Variants in GALNTL6 observed in about 807,000 individuals in gnomAD.
GALNTL6 encodes the protein polypeptide N-acetylgalactosaminyltransferase-like 6.
Under a neutral mutation model 73.7 loss-of-function variants are expected in GALNTL6, and 46 were observed. The observed-to-expected ratio is 0.62, with a 90% CI of 0.49 to 0.80. GALNTL6 has a LOEUF of 0.80. GALNTL6 is among the 30% of genes least tolerant of loss of function. GALNTL6 has a pLI of 0.00. For synonymous variants in GALNTL6, 259 were observed against 263.7 expected (o/e 0.98, Z 0.17); for missense variants, 604 against 755.0 (o/e 0.80, Z 2.34).
chr4:171,988,003 G>A (rs185388844), intron 2 of GALNTL6, among the ~76,000 whole-genome samples: 3,144 of 152,230 alleles, frequency 0.021, 65 homozygotes, highest in African/African-American at 0.053. Context: ...AAGTATATGC[G>A]TCAGGTATGA....
chr4:171,964,264 G>A (rs1053528697), intron 2 of GALNTL6, among the ~76,000 whole-genome samples: 3 of 151,966 alleles, frequency 2.0e-5, no homozygotes, highest in Admixed American at 1.3e-4. Flanking sequence ...TTCTAAGTAG[G>A]ATAGAACCTC....
intron 2 of GALNTL6, among the ~76,000 whole-genome samples, chr4:171,858,861 A>T (rs1293615918): frequency 2.0e-5 from 3 of 152,276 alleles, no homozygotes; most frequent in Non-Finnish European, 4.4e-5. Flanking sequence ...CTTTTATACA[A>T]CTATAAAATT....
chr4:172,599,179 G>A (rs1470775135), intron 5 of GALNTL6, among the ~76,000 whole-genome samples: 1 of 152,138 alleles, frequency 6.6e-6, no homozygotes, highest in Admixed American at 6.6e-5. Context: ...TGCGCATGCA[G>A]GTCTAGAAAG....
chr4:171,894,891 A>G (rs536654078), intron 2 of GALNTL6, among the ~76,000 whole-genome samples: 102 of 152,296 alleles, frequency 6.7e-4, no homozygotes, highest in African/African-American at 2.4e-3. Flanking sequence ...ATAAATTAAA[A>G]GCCAAAGATA....
chr4:172,346,279 G>A (rs573549584), intron 4 of GALNTL6, among the ~76,000 whole-genome samples: 2 of 152,346 alleles, frequency 1.3e-5, no homozygotes, highest in South Asian at 2.1e-4. Flanking sequence ...ACTGGATGTC[G>A]TTTTGACGTC....
chr4:172,287,185 T>C (rs978074656), intron 3 of GALNTL6, among the ~76,000 whole-genome samples: 3 of 152,186 alleles, frequency 2.0e-5, no homozygotes, highest in Non-Finnish European at 4.4e-5. Context: ...TTATTTAAAT[T>C]AAGAGCTTAC....
intron 9 of GALNTL6, among the ~76,000 whole-genome samples, chr4:172,940,369 CTTTT>C: frequency 6.9e-6 from 1 of 145,928 alleles, no homozygotes; most frequent in Non-Finnish European, 1.5e-5. Flanking sequence ...AAGTAATTTT[CTTTT>C]TTTTTTTGAA....
At chr4:172,168,279 GT>G (rs1301954399) in intron 2 of GALNTL6, among the ~76,000 whole-genome samples, 2 of 149,550 alleles carry the variant, frequency 1.3e-5, no homozygotes, top group Non-Finnish European at 1.5e-5. Flanking sequence ...TGTTTGTTTT[GT>G]TTTGTTTTGT....
In GALNTL6 at chr4:171,937,849, A is replaced by C. The variant is rs184783048; in HGVS notation, c.138+123131A>C. ...ATTATTTGCTAATGAATAAACATGG[A>C]AAAATAGTTAAAATGATTTTTTAAT... is the stretch of plus-strand genomic sequence containing the variant. On this transcript the variant is annotated intron_variant, in intron 2 of 12. Transcript: ENST00000506823. Among the ~76,000 whole-genome samples the C allele has an allele frequency of 1.6e-3, 247 of 152,294 alleles. 1 individual carries two copies. Among genetic ancestry groups the C allele is most frequent in the African/African-American group, 5.7e-3 (235 of 41,574 alleles).
intron 2 of GALNTL6, among the ~76,000 whole-genome samples, chr4:171,982,443 G>T (rs112217302): frequency 0.019 from 2,902 of 152,044 alleles, 92 homozygotes; most frequent in African/African-American, 0.067. Flanking sequence ...GACTACAGGC[G>T]CCCGCCACCA....
At chr4:172,337,809 C>A (rs1441680973) in intron 4 of GALNTL6, among the ~76,000 whole-genome samples, 1 of 150,554 alleles carries the variant, frequency 6.6e-6, no homozygotes, top group Non-Finnish European at 1.5e-5. Context: ...CATCTGGATA[C>A]CTATTTCTCT....
At chr4:171,943,318 G>T (rs140106754) in intron 2 of GALNTL6, among the ~76,000 whole-genome samples, 3 of 152,072 alleles carry the variant, frequency 2.0e-5, no homozygotes, top group African/African-American at 7.2e-5. Flanking sequence ...CTCTCTCATC[G>T]GTAGCCTTCC....
At chr4:172,638,759 A>G (rs1739816887) in intron 5 of GALNTL6, among the ~76,000 whole-genome samples, 1 of 152,084 alleles carries the variant, frequency 6.6e-6, no homozygotes, top group Non-Finnish European at 1.5e-5. Flanking sequence ...TCTCACTAAT[A>G]TTTTTATTTT....
Position 172,810,702 on chromosome 4 carries a change from G to A in GALNTL6, c.739+1156G>A, listed in dbSNP as rs371089757. Among the ~76,000 whole-genome samples the A allele has an allele frequency of 1.4e-3, 207 of 152,258 alleles. 2 individuals carry two copies. The Middle Eastern group carries it at 0.017, about 13-fold the overall frequency. On this transcript the variant is annotated intron_variant, in intron 6 of 12. Coordinates refer to ENST00000506823, the MANE Select transcript of GALNTL6 (RefSeq NM_001034845.3). Reference sequence around the variant, plus strand: ...TGCCCAGCCACATACGCCTGCACAGGTAACTGCCCAGTTATCCTAATCAAC... The same window carrying A: ...TGCCCAGCCACATACGCCTGCACAGATAACTGCCCAGTTATCCTAATCAAC...
chr4:172,357,299 G>A (rs1476236431), intron 5 of GALNTL6, among the ~76,000 whole-genome samples: 1 of 152,150 alleles, frequency 6.6e-6, no homozygotes, highest in African/African-American at 2.4e-5. Flanking sequence ...ATTTTGGGCT[G>A]GCCCCTTGTG....
intron 5 of GALNTL6, among the ~76,000 whole-genome samples, chr4:172,614,581 A>C (rs949092747): frequency 2.0e-5 from 3 of 152,188 alleles, no homozygotes; most frequent in African/African-American, 7.2e-5. Context: ...GCATCTTCAG[A>C]TATTAGAAAG....
chr4:171,821,197 G>A (rs1005747062), intron 2 of GALNTL6, among the ~76,000 whole-genome samples: 2 of 151,906 alleles, frequency 1.3e-5, no homozygotes, highest in African/African-American at 2.4e-5. Context: ...CATGATACCT[G>A]GATAACTTTT....
At chr4:172,055,920 A>G (rs1265555950) in intron 2 of GALNTL6, among the ~76,000 whole-genome samples, 1 of 152,142 alleles carries the variant, frequency 6.6e-6, no homozygotes, top group Non-Finnish European at 1.5e-5. Flanking sequence ...GAGTTCATCA[A>G]TGATAGTATG....
chr4:172,553,708 G>A (rs1736043365), intron 5 of GALNTL6, among the ~76,000 whole-genome samples: 1 of 151,998 alleles, frequency 6.6e-6, no homozygotes, highest in Non-Finnish European at 1.5e-5. Context: ...CTTAGTATGG[G>A]AGACTTTGCA....
Sources: gnomAD v4.1 joint callset for allele counts (sites outside exome capture counted in the v4.1 genomes callset) on GRCh38, gnomAD v4.1.1 for gene constraint, MANE v1.5 for transcripts, NCBI Gene and HGNC (gene_info 2026-07-23, HGNC 2026-07-21) for gene names.